Variants in KCTD1 observed in about 807,000 individuals in gnomAD.
KCTD1 encodes potassium channel tetramerization domain containing 1.
Under a neutral mutation model 66.0 loss-of-function variants are expected in KCTD1, and 24 were observed. The observed-to-expected ratio is 0.36, with a 90% CI of 0.26 to 0.51. The LOEUF (loss-of-function observed/expected upper bound fraction) is 0.51, where lower values mean the gene tolerates loss of function less well. Ranked by LOEUF, KCTD1 falls within the 20% of genes least tolerant of loss-of-function variation. The probability of loss-of-function intolerance (pLI) is 0.95; values close to 1 mark genes in which losing one functional copy is unlikely to be tolerated. For synonymous variants in KCTD1, 511 were observed against 517.2 expected (o/e 0.99, Z 0.16); for missense variants, 943 against 1,205.2 (o/e 0.78, Z 3.22).
chr18:26,563,875 C>A lies in KCTD1; in HGVS notation c.-15-62625G>T, dbSNP rs549663526. On this transcript the variant is annotated intron_variant, in intron 1 of 4. Coordinates refer to the KCTD1 transcript ENST00000317932. ...GCCAACCACTGAATTGTGAGTCTTC[C>A]AGTCTTAGCTCAAGTCCTCTGAGGC... Among the ~76,000 whole-genome samples, 8 of 152,264 alleles carry A rather than the reference C, an allele frequency of 5.3e-5. No homozygotes were observed. In the East Asian group the frequency reaches 1.5e-3, roughly 29 times the overall value.
intron 1 of KCTD1, among the ~76,000 whole-genome samples, chr18:26,579,536 G>A (rs898860104): frequency 6.6e-6 from 1 of 152,076 alleles, no homozygotes; most frequent in African/African-American, 2.4e-5. Context: ...TCCCCTAAGA[G>A]GAGGCTTAAT....
At chr18:26,520,548 T>TTTAGTTTGAGGTGGATGTCGACACAC (rs1983862683) in intron 1 of KCTD1, among the ~76,000 whole-genome samples, 1 of 150,314 alleles carries the variant, frequency 6.7e-6, no homozygotes, top group Non-Finnish European at 1.5e-5. Context: ...TGTCGACACA[T>TTTAGTTTGAGGTGGATGTCGACACAC]GCTAATTGAC....
chr18:26,585,638 C>T (rs1986456035), intron 1 of KCTD1, among the ~76,000 whole-genome samples: 1 of 152,032 alleles, frequency 6.6e-6, no homozygotes, highest in Non-Finnish European at 1.5e-5. Context: ...GTTTAATGGT[C>T]CAAGTCAGAG....
intron 1 of KCTD1, among the ~76,000 whole-genome samples, chr18:26,616,093 C>T (rs1390035565): frequency 4.0e-5 from 6 of 151,772 alleles, no homozygotes; most frequent in Admixed American, 3.9e-4. Context: ...ACCAGGCCCA[C>T]TAGTGCTTTT....
At chr18:26,650,673 G>C (rs1988013951) in intron 1 of KCTD1, among the ~76,000 whole-genome samples, 1 of 152,228 alleles carries the variant, frequency 6.6e-6, no homozygotes, top group Admixed American at 6.5e-5. Context: ...GTAGGATAGA[G>C]AAGGATCAGT....
chr18:26,532,261 CTTTTTTTTTT>C (rs533359603), intron 1 of KCTD1, among the ~76,000 whole-genome samples: 1 of 29,556 alleles, frequency 3.4e-5, no homozygotes, highest in African/African-American at 6.5e-5. Flanking sequence ...TTCTTTCCTT[CTTTTTTTTTT>C]TTTTTTTTTT....
chr18:26,548,234 C>T lies in KCTD1; in HGVS notation c.303G>A (p.Trp101Ter). The change falls in exon 1 of 5, where the codon TGG becomes TGA. Residue 101 changes from tryptophan (W) to a stop codon, truncating the protein, a stop_gained. Transcript: ENST00000580059. LOFTEE classifies it high-confidence loss of function. ...AGTCCTCGGGCTCCAGGGGCTCGTC[C>T]CAGTCCAGCCCCATCTCCTCCTCTT... ...EEEEEEMGLD[W>*]DEPLEPEDSA... 1 of 1,511,044 alleles carries T rather than the reference C, an allele frequency of 6.6e-7. No homozygotes were observed. Among genetic ancestry groups the T allele is most frequent in the Non-Finnish European group, 8.8e-7 (1 of 1,133,424 alleles). 93.6% of individuals were successfully genotyped at this position (1,511,044 alleles called of 1,614,324 possible).
chr18:26,476,666 T>C lies in KCTD1; in HGVS notation c.1989-7A>G, dbSNP rs749760154. On this transcript the variant is annotated splice_region_variant and splice_polypyrimidine_tract_variant and intron_variant, in intron 2 of 4. Coordinates refer to ENST00000580059, the MANE Select transcript of KCTD1 (RefSeq NM_001142730.3). The surrounding 1 kb of genome is among the most constrained non-coding windows in gnomAD (Gnocchi z 4.9). ...ATCAAAAAGTCTTCCGATTCTGTGA[T>C]AGAAAAGAGGGAACAGTGAAGACAA... 20 of 1,610,924 alleles carry C rather than the reference T, an allele frequency of 1.2e-5. No individual in the cohort carries two copies. The highest frequency in any genetic ancestry group is 2.2e-5 in the East Asian group (1 of 44,732).
rs141330722 is a variant in KCTD1 at position 26,583,330 on chromosome 18, G to T, written c.-16+45817C>A. Among the ~76,000 whole-genome samples, 22 of 142,668 alleles carry T rather than the reference G, an allele frequency of 1.5e-4. No homozygotes were observed. The East Asian group carries it at 3.0e-3, about 19-fold the overall frequency. 93.6% of individuals were successfully genotyped at this position (142,668 alleles called of 152,430 possible). On this transcript the variant is annotated intron_variant, in intron 1 of 4. Transcript: ENST00000317932. Reference sequence around the variant, plus strand: ...AATCACTTGAACCCAGGAGGCGAAGGTTGCAGTAAGCTGAGATCGCATAAT... The same window carrying T: ...AATCACTTGAACCCAGGAGGCGAAGTTTGCAGTAAGCTGAGATCGCATAAT...
intron 1 of KCTD1, among the ~76,000 whole-genome samples, chr18:26,538,736 A>G (rs1449249059): frequency 1.3e-5 from 2 of 152,216 alleles, no homozygotes; most frequent in Non-Finnish European, 2.9e-5. Context: ...TGCTCCTGTG[A>G]GATCATTGTT....
intron 1 of KCTD1, among the ~76,000 whole-genome samples, chr18:26,620,317 G>T: frequency 8.4e-6 from 1 of 118,936 alleles, no homozygotes; most frequent in Non-Finnish European, 1.6e-5. Context: ...TCAAATTCAC[G>T]TGTGAGTTTG....
At chr18:26,473,876 G>A (rs1245208387) in intron 3 of KCTD1, among the ~76,000 whole-genome samples, 2 of 152,126 alleles carry the variant, frequency 1.3e-5, no homozygotes, top group Non-Finnish European at 2.9e-5. Context: ...CTATTTTCTT[G>A]CCAATTGCAT....
intron 2 of KCTD1, among the ~76,000 whole-genome samples, chr18:26,493,411 GA>G (rs142968559): frequency 0.51 from 76,683 of 151,602 alleles, 20,440 homozygotes; most frequent in Non-Finnish European, 0.6. Context: ...TTTTTGGGGG[GA>G]AAAACATGTA....
chr18:26,656,158 G>A (rs1051977899), intron 1 of KCTD1, among the ~76,000 whole-genome samples: 2 of 152,202 alleles, frequency 1.3e-5, no homozygotes, highest in Non-Finnish European at 2.9e-5. Flanking sequence ...GGCCAGAGGC[G>A]GCCGGGAAAC....
chr18:26,586,884 G>A (rs1392876696), intron 1 of KCTD1, among the ~76,000 whole-genome samples: 3 of 152,218 alleles, frequency 2.0e-5, no homozygotes, highest in Non-Finnish European at 4.4e-5. Flanking sequence ...GAGGTTGTTG[G>A]TTCATGAGGT....
chr18:26,466,869 C>T (rs1416223138), intron 3 of KCTD1, among the ~76,000 whole-genome samples: 1 of 152,100 alleles, frequency 6.6e-6, no homozygotes, highest in East Asian at 1.9e-4. Context: ...GATTCATGAG[C>T]TAAACTACAC....
intron 1 of KCTD1, among the ~76,000 whole-genome samples, chr18:26,605,762 ATCTATC>A (rs1568007509): frequency 4.5e-5 from 6 of 134,372 alleles, no homozygotes; most frequent in African/African-American, 1.4e-4. Flanking sequence ...CTATCTATCT[ATCTATC>A]TATATTACAT....
At chr18:26,626,041 A>G (rs1987491534) in intron 1 of KCTD1, among the ~76,000 whole-genome samples, 1 of 151,960 alleles carries the variant, frequency 6.6e-6, no homozygotes, top group Admixed American at 6.6e-5. Flanking sequence ...TGCTCTGGTC[A>G]TTTTGCCACC....
At chr18:26,655,980 T>C (rs1436509141) in intron 1 of KCTD1, 1 of 151,886 alleles carries the variant, frequency 6.6e-6, no homozygotes, top group African/African-American at 2.4e-5. Flanking sequence ...CAGGTCCCTC[T>C]TGGGGGCGGG....
Sources: gnomAD v4.1 joint callset for allele counts (sites outside exome capture counted in the v4.1 genomes callset) on GRCh38, gnomAD v4.1.1 for gene constraint, Gnocchi (gnomAD v3.1) non-coding constraint, MANE v1.5 for transcripts, NCBI Gene and HGNC (gene_info 2026-07-23, HGNC 2026-07-21) for gene names.